Variants in ACTN4 observed in about 807,000 individuals in gnomAD.
ACTN4 encodes the protein actinin alpha 4.
A neutral mutation model predicts 114.2 loss-of-function variants in ACTN4; 18 were observed. The observed-to-expected ratio is 0.16, with a 90% CI of 0.11 to 0.23. ACTN4 has a LOEUF of 0.23. Ranked by LOEUF, ACTN4 falls within the 10% of genes least tolerant of loss-of-function variation. ACTN4 has a pLI of 1.00. For synonymous variants in ACTN4, 515 were observed against 506.3 expected (o/e 1.02, Z -0.23); for missense variants, 722 against 1,262.9 (o/e 0.57, Z 6.49).
chr19:38,709,552 G>T, intron 7 of ACTN4, 76 bp downstream of exon 7: 1 of 1,297,494 alleles, frequency 7.7e-7, no homozygotes. Context: ...CTCGGGCAAG[G>T]GGCTGTGGGC....
intron 19 of ACTN4, chr19:38,728,406 ACCCGCTCCTCCT>A: frequency 1.1e-6 from 1 of 888,028 alleles, no homozygotes; most frequent in African/African-American, 2.1e-5. Context: ...CTCCCCAGCC[ACCCGCTCCTCCT>A]CCTCCTCCTC....
intron 1 of ACTN4, among the ~76,000 whole-genome samples, chr19:38,675,509 C>G (rs558978936): frequency 6.6e-6 from 1 of 152,262 alleles, no homozygotes; most frequent in African/African-American, 2.4e-5. Flanking sequence ...GTTAGGATTA[C>G]AGGCGTGAGC....
chr19:38,699,856 C>T (rs543937577), intron 1 of ACTN4, among the ~76,000 whole-genome samples: 1 of 152,206 alleles, frequency 6.6e-6, no homozygotes, highest in Admixed American at 6.5e-5. Context: ...AGCCAGGCGA[C>T]ACAGGCGTGT....
chr19:38,713,559 G>A (rs764176933), intron 8 of ACTN4, among the ~76,000 whole-genome samples: 5 of 152,172 alleles, frequency 3.3e-5, no homozygotes, highest in Admixed American at 1.3e-4. Flanking sequence ...GTGCACGTGC[G>A]TGTGTGCGCT....
At position 38,731,574 on chromosome 19, in the gene ACTN4, G is replaced by C; in HGVS notation, c.*2142G>C. On this transcript the variant is annotated 3_prime_UTR_variant, in exon 21 of 21. Coordinates refer to ENST00000252699, the MANE Select transcript of ACTN4 (RefSeq NM_004924.6). ...ATATTTCTGTGCAGCAAAAAATATAGTCAATCCCATATGGAGTCAGTTTCC... is the reference window on the plus strand; with the variant it reads ...ATATTTCTGTGCAGCAAAAAATATACTCAATCCCATATGGAGTCAGTTTCC... The C allele has an allele frequency of 2.9e-6, 1 of 342,096 alleles. No homozygotes were observed. Among genetic ancestry groups the C allele is most frequent in the Non-Finnish European group, 5.6e-6 (1 of 177,660 alleles). 21.2% of individuals were successfully genotyped at this position (342,096 alleles called of 1,614,324 possible). A position where few individuals can be genotyped will look rare whatever the true frequency, so the allele number is the denominator to read the frequency against.
intron 1 of ACTN4, among the ~76,000 whole-genome samples, chr19:38,687,772 TAAATC>T (rs1967794716): frequency 6.6e-6 from 1 of 152,198 alleles, no homozygotes; most frequent in Admixed American, 6.5e-5. Context: ...GAAAAATAGA[TAAATC>T]AGACTGTTTC....
At chr19:38,715,031 G>T (rs1488491769) in intron 9 of ACTN4, among the ~76,000 whole-genome samples, 1 of 152,176 alleles carries the variant, frequency 6.6e-6, no homozygotes, top group African/African-American at 2.4e-5. Flanking sequence ...AGGAAACTGA[G>T]GCCCAGGGAG....
At chr19:38,648,547 A>G (rs1241575668) in intron 1 of ACTN4, among the ~76,000 whole-genome samples, 1 of 151,814 alleles carries the variant, frequency 6.6e-6, no homozygotes, top group Non-Finnish European at 1.5e-5. Flanking sequence ...AGAATTGAGC[A>G]TGAAAAGACA....
chr19:38,717,335 A>G lies in ACTN4; in HGVS notation c.1143+19A>G. ...GGTCTCGGTGAGCACCAGGATTCACATGGGAGCAGCTGTGAGGGGCAGAGG... is the reference window on the plus strand; with the variant it reads ...GGTCTCGGTGAGCACCAGGATTCACGTGGGAGCAGCTGTGAGGGGCAGAGG... On this transcript the variant is annotated intron_variant, in intron 10 of 20. Transcript: ENST00000252699. The surrounding 1 kb of genome is among the most constrained non-coding windows in gnomAD (Gnocchi z 4.0). 2 of 1,611,650 alleles carry G rather than the reference A, an allele frequency of 1.2e-6. No homozygotes were observed. The highest frequency in any genetic ancestry group is 1.7e-6 in the Non-Finnish European group (2 of 1,179,142).
chr19:38,653,118 G>T (rs2144823014), intron 1 of ACTN4, among the ~76,000 whole-genome samples: 1 of 152,032 alleles, frequency 6.6e-6, no homozygotes, highest in East Asian at 1.9e-4. Context: ...TGACAGAGGG[G>T]AGCGGGGACA....
chr19:38,729,327 G>T lies in ACTN4; in HGVS notation c.2631G>T (p.Glu877Asp). ...LRRELPPDQAEYCIARMAPYQ... is the reference protein window; with the variant it reads ...LRRELPPDQADYCIARMAPYQ... The stretch of plus-strand genomic sequence containing the variant: ...GAGAGCTGCCCCCCGACCAGGCCGA[G>T]TACTGCATCGCCCGCATGGCGCCAT... The change falls in exon 21 of 21, where the codon GAG (glutamate) becomes GAT (aspartate). Residue 877 changes from glutamate (E) to aspartate (D), a missense_variant. Glu to Asp is a conservative substitution (Grantham distance 45). Transcript: ENST00000252699. The T allele has an allele frequency of 6.2e-7, 1 of 1,612,918 alleles. No homozygotes were observed. Among genetic ancestry groups the T allele is most frequent in the Non-Finnish European group, 8.5e-7 (1 of 1,179,990 alleles).
chr19:38,728,744 G>A (rs1295776543), intron 19 of ACTN4, among the ~76,000 whole-genome samples: 4 of 152,218 alleles, frequency 2.6e-5, no homozygotes, highest in African/African-American at 7.2e-5. Flanking sequence ...GGGAGACCAC[G>A]AGAGGGGAGG....
rs77134581 is a variant in ACTN4, at chr19:38,648,377, G to A, written c.162+470G>A. On this transcript the variant is annotated intron_variant, in intron 1 of 20. Transcript: ENST00000252699. ...TGTGGAGGGGTTGGTTATTTGGAGA[G>A]CAGAAAGATCTGAAGGAGATTGGAA... is the stretch of plus-strand genomic sequence containing the variant. The A allele has an allele frequency of 7.1e-3, 1,093 of 153,914 alleles. 26 individuals carry two copies. The highest frequency in any genetic ancestry group is 0.054 in the East Asian group (282 of 5,198). 9.5% of individuals were successfully genotyped at this position (153,914 alleles called of 1,614,324 possible).
chr19:38,658,198 G>T (rs1163730997), intron 1 of ACTN4, among the ~76,000 whole-genome samples: 1 of 152,200 alleles, frequency 6.6e-6, no homozygotes, highest in Non-Finnish European at 1.5e-5. Flanking sequence ...GTGCATTTGT[G>T]CATGAGAGAG....
intron 12 of ACTN4, 36 bp downstream of exon 12, chr19:38,721,724 T>C: frequency 1.9e-6 from 3 of 1,607,318 alleles, no homozygotes; most frequent in South Asian, 1.1e-5. Flanking sequence ...ATCACCTGGC[T>C]CTCACCACAG....
intron 1 of ACTN4, among the ~76,000 whole-genome samples, chr19:38,680,056 C>T (rs1218177967): frequency 6.6e-6 from 1 of 151,958 alleles, no homozygotes; most frequent in East Asian, 1.9e-4. Context: ...GGGATGATGC[C>T]CATGCCTGTA....
At chr19:38,653,475 G>A (rs1282169201) in intron 1 of ACTN4, among the ~76,000 whole-genome samples, 1 of 151,254 alleles carries the variant, frequency 6.6e-6, no homozygotes, top group African/African-American at 2.4e-5. Flanking sequence ...CAGAAGGGAA[G>A]GGCAAATATA....
intron 5 of ACTN4, 142 bp from the exon 6 acceptor site, chr19:38,707,975 G>T: frequency 1.2e-6 from 1 of 858,216 alleles, no homozygotes; most frequent in Admixed American, 1.9e-5. Flanking sequence ...CAGCCTCTCT[G>T]CCACACTGTC....
intron 11 of ACTN4, among the ~76,000 whole-genome samples, chr19:38,719,352 C>A (rs3786850): frequency 6.6e-6 from 1 of 152,258 alleles, no homozygotes; most frequent in South Asian, 2.1e-4. Context: ...CACCCCTCCC[C>A]ACCCTGGCCC....
Sources: gnomAD v4.1 joint callset for allele counts (sites outside exome capture counted in the v4.1 genomes callset) on GRCh38, gnomAD v4.1.1 for gene constraint, Gnocchi (gnomAD v3.1) non-coding constraint, MANE v1.5 for transcripts, NCBI Gene and HGNC (gene_info 2026-07-23, HGNC 2026-07-21) for gene names.